The following NADK2 variants were observed in gnomAD, a reference collection of about 807,000 sequenced individuals.
NADK2 encodes the protein NAD kinase 2, mitochondrial.
In NADK2, 35 loss-of-function variants were observed where a neutral mutation model predicts 62.1. The ratio of observed to expected loss-of-function variants is 0.56; its 90% CI spans 0.43 to 0.75. The LOEUF is 0.75. Among genes scored for constraint, NADK2 ranks in the 30% least tolerant of loss-of-function variants. The probability of loss-of-function intolerance (pLI) is 0.00; values close to 1 mark genes in which losing one functional copy is unlikely to be tolerated. For synonymous variants in NADK2, 205 were observed against 207.9 expected, an observed-to-expected ratio of 0.99 and a Z score of 0.12; for missense variants, 439 against 561.3, an observed-to-expected ratio of 0.78 and a Z score of 2.20.
rs10461965 is a variant in NADK2 at position 36,199,420 on chromosome 5, A to G, written c.1066+807T>C. ...TAACTTTAAACACATTTGGGTTTGG[A>G]GTTTTATAAAAAACAATCTAGCTTG... On this transcript the variant is annotated intron_variant, in intron 10 of 11. Transcript: ENST00000381937. Among the ~76,000 whole-genome samples, 1,840 of 152,078 alleles carry G rather than the reference A, an allele frequency of 0.012. 153 individuals carry two copies. The East Asian group carries it at 0.21, about 18-fold the overall frequency.
At chr5:36,221,868 C>T (rs976420884) in intron 4 of NADK2, 3 of 152,172 alleles carry the variant, frequency 2.0e-5, no homozygotes, top group African/African-American at 7.2e-5. Flanking sequence ...AATGCATCAA[C>T]ACTGATGGCA....
rs1486984199 is a variant in NADK2, at chr5:36,241,394, G to A, written c.300+105C>T. ...CGAGAGAGGCAGGACCGGCATCTGC[G>A]GTGCCCTGGGAAGAGTCGTCCCGAG... is the stretch of plus-strand genomic sequence containing the variant. On this transcript the variant is annotated intron_variant, in intron 1 of 11. Coordinates refer to ENST00000381937, the MANE Select transcript of NADK2 (RefSeq NM_001085411.3). The surrounding 1 kb of genome is among the most constrained non-coding windows in gnomAD (Gnocchi z 4.9). The A allele has an allele frequency of 8.8e-6, 12 of 1,365,940 alleles. No individual in the cohort carries two copies. In the East Asian group the frequency reaches 3.1e-4, roughly 35 times the overall value. 84.6% of individuals were successfully genotyped at this position (1,365,940 alleles called of 1,614,324 possible).
Position 36,201,262 on chromosome 5 carries a change from A to G in NADK2, c.957-101T>C, listed in dbSNP as rs16902813. 11,500 of 1,036,428 alleles carry G rather than the reference A, an allele frequency of 0.011. 865 individuals are homozygous for G. In the East Asian group the frequency reaches 0.17, roughly 16 times the overall value. The allele number at this position is 1,036,428 out of a possible 1,614,324, so 64.2% of individuals were successfully genotyped here. ...AAAATATAGAAAATTCTTAGAAATT[A>G]GGAGGAAGTTCTAAATGAACAAAGT... On this transcript the variant is annotated intron_variant, in intron 8 of 11. Transcript: ENST00000381937.
At chr5:36,220,691 C>T (rs1267890494) in intron 4 of NADK2, among the ~76,000 whole-genome samples, 1 of 152,120 alleles carries the variant, frequency 6.6e-6, no homozygotes, top group Non-Finnish European at 1.5e-5. Context: ...AGAATAATAC[C>T]TGCTGAGGTC....
intron 7 of NADK2, 134 bp downstream of exon 7, chr5:36,211,710 T>C (rs1287901194): frequency 1.4e-6 from 1 of 712,382 alleles, no homozygotes; most frequent in East Asian, 2.5e-5. Context: ...TTTGGAAATA[T>C]TTCATTAAAT....
chr5:36,213,636 T>TATATATATATA (rs1554008804), intron 6 of NADK2, among the ~76,000 whole-genome samples: 3 of 146,922 alleles, frequency 2.0e-5, no homozygotes, highest in Non-Finnish European at 3.0e-5. Flanking sequence ...TATATATGGA[T>TATATATATATA]TTGATATGTT....
chr5:36,241,592 G>A lies in NADK2; in HGVS notation c.207C>T (p.Ser69=), dbSNP rs2112224191. 3 of 1,523,686 alleles carry A rather than the reference G, an allele frequency of 2.0e-6. No homozygotes were observed. The highest frequency in any genetic ancestry group is 3.9e-4 in the Middle Eastern group (2 of 5,128). The allele number at this position is 1,523,686 out of a possible 1,614,324, so 94.4% of individuals were successfully genotyped here. Residue 69 remains serine (S), a synonymous_variant, in exon 1 of 12, where the codon TCC becomes TCT. Transcript: ENST00000381937. The surrounding 1 kb of genome is among the most constrained non-coding windows in gnomAD (Gnocchi z 4.9). The stretch of plus-strand genomic sequence containing the variant: ...TGGTTTTGGCCACCACCACCACCCG[G>A]GAGGGGCGGAAGCCGCCGTCCGCGC... The part of the protein sequence containing the change: ...GSRADGGFRP[S]RVVVVAKTTR...
At chr5:36,219,205 G>T (rs190829308) in intron 5 of NADK2, among the ~76,000 whole-genome samples, 176 of 152,102 alleles carry the variant, frequency 1.2e-3, no homozygotes, top group African/African-American at 4.0e-3. Context: ...ATTTGTTCTG[G>T]TTTTTTGTGT....
intron 11 of NADK2, 73 bp from the exon 12 acceptor site, chr5:36,195,355 C>A: frequency 7.0e-7 from 1 of 1,422,784 alleles, no homozygotes; most frequent in Non-Finnish European, 9.4e-7. Flanking sequence ...GAATTTTAAC[C>A]TAGCAGATCA....
intron 11 of NADK2, among the ~76,000 whole-genome samples, chr5:36,196,832 T>C (rs1411938785): frequency 6.6e-6 from 1 of 152,044 alleles, no homozygotes. Flanking sequence ...AATGACAACA[T>C]GAATGTTAAG....
intron 4 of NADK2, among the ~76,000 whole-genome samples, chr5:36,222,947 T>C (rs1329027329): frequency 1.3e-5 from 2 of 152,148 alleles, no homozygotes; most frequent in Non-Finnish European, 2.9e-5. Context: ...TTAATACCAC[T>C]GGATATATCC....
In NADK2 at chr5:36,205,220, C is replaced by T. The variant is rs144958303; in HGVS notation, c.956+1950G>A. Among the ~76,000 whole-genome samples, 290 of 151,884 alleles carry T rather than the reference C, an allele frequency of 1.9e-3. 3 individuals carry two copies. Among genetic ancestry groups the T allele is most frequent in the African/African-American group, 6.5e-3 (269 of 41,434 alleles). ...TATTAGATAACTAATAATGTAATAG[C>T]GGCTATAATAGTGCTATGAGAAAAA... On this transcript the variant is annotated intron_variant, in intron 8 of 11. Transcript: ENST00000381937. The surrounding 1 kb of genome is among the most constrained non-coding windows in gnomAD (Gnocchi z 4.1).
At chr5:36,228,616 G>T (rs957467993) in intron 1 of NADK2, among the ~76,000 whole-genome samples, 1 of 92,144 alleles carries the variant, frequency 1.1e-5, no homozygotes, top group African/African-American at 3.2e-5. Flanking sequence ...TACCTGTCTA[G>T]ACATGATTTT....
At chr5:36,233,891 C>T (rs1192408479) in intron 1 of NADK2, among the ~76,000 whole-genome samples, 1 of 152,204 alleles carries the variant, frequency 6.6e-6, no homozygotes, top group South Asian at 2.1e-4. Context: ...ATTCAAACAT[C>T]CTGAAATTAA....
intron 5 of NADK2, 144 bp from the exon 6 acceptor site, chr5:36,218,028 G>A (rs1747113261): frequency 1.6e-6 from 1 of 640,384 alleles, no homozygotes; most frequent in African/African-American, 1.8e-5. Context: ...AACACCTAAA[G>A]CCTATAGCTT....
intron 1 of NADK2, among the ~76,000 whole-genome samples, chr5:36,230,318 C>G (rs1273579463): frequency 6.6e-6 from 1 of 152,238 alleles, no homozygotes; most frequent in Non-Finnish European, 1.5e-5. Context: ...CTAACTCTGA[C>G]TCTTTTTAAC....
intron 6 of NADK2, among the ~76,000 whole-genome samples, chr5:36,215,910 G>A (rs1413834250): frequency 6.6e-6 from 1 of 152,168 alleles, no homozygotes; most frequent in Non-Finnish European, 1.5e-5. Context: ...TGAGGCGCCA[G>A]TATCTCTTTG....
intron 10 of NADK2, 110 bp from the exon 11 acceptor site, chr5:36,197,774 T>C (rs1226706753): frequency 1.3e-5 from 12 of 951,324 alleles, no homozygotes; most frequent in South Asian, 2.1e-5. Flanking sequence ...AAAAGTATAT[T>C]TGGGAACAAG....
chr5:36,228,647 C>G (rs1381056753), intron 1 of NADK2, among the ~76,000 whole-genome samples: 1 of 150,368 alleles, frequency 6.7e-6, no homozygotes, highest in African/African-American at 2.4e-5. Flanking sequence ...GAGACGGGGT[C>G]TGGCTCTGTT....
Sources: allele counts gnomAD v4.1 joint callset (sites outside exome capture counted in the v4.1 genomes callset), GRCh38; gene constraint gnomAD v4.1.1; non-coding constraint Gnocchi (gnomAD v3.1); transcripts MANE v1.5; gene names NCBI Gene and HGNC (gene_info 2026-07-23, HGNC 2026-07-21).